The following TSBP1 variants were observed in gnomAD, a reference collection of about 807,000 sequenced individuals.
The protein encoded by TSBP1 is testis expressed basic protein 1.
In TSBP1, 56 loss-of-function variants were observed where a neutral mutation model predicts 68.8. The ratio of observed to expected loss-of-function variants is 0.81; its 90% CI spans 0.66 to 1.02. The LOEUF is 1.02. Among genes scored for constraint, TSBP1 ranks in the 50% least tolerant of loss-of-function variants. The probability of loss-of-function intolerance (pLI) is 0.00; values close to 1 mark genes in which losing one functional copy is unlikely to be tolerated. For missense variants in TSBP1, 502 were observed against 641.2 expected, an observed-to-expected ratio of 0.78 and a Z score of 2.34; for synonymous variants, 171 against 208.7, an observed-to-expected ratio of 0.82 and a Z score of 1.56.
chr6:32,360,781 T>C (rs1011742451), intron 6 of TSBP1, among the ~76,000 whole-genome samples: 1 of 152,218 alleles, frequency 6.6e-6, no homozygotes, highest in African/African-American at 2.4e-5. Flanking sequence ...AGTGATATTG[T>C]GCACCTTTAT....
rs559334912 is a variant in TSBP1, at chr6:32,339,491, T to C, written c.388+109A>G. 2.3e-5 allele frequency: 17 copies of C among 755,542 alleles called. No homozygotes were observed. In the African/African-American group the frequency reaches 2.9e-4, roughly 13 times the overall value. 46.8% of individuals were successfully genotyped at this position (755,542 alleles called of 1,614,324 possible). ...GCAGGCACATTATAGAATATCAAAA[T>C]CATTACACATGGTATGCATGTATCA... On this transcript the variant is annotated intron_variant, in intron 10 of 22. Coordinates refer to ENST00000612031, the Ensembl canonical transcript of TSBP1.
At position 32,336,604 on chromosome 6, in the gene TSBP1, T is replaced by C; in HGVS notation, c.430+11A>G. On this transcript the variant is annotated intron_variant, in intron 12 of 22. Transcript: ENST00000612031. The surrounding 1 kb of genome is among the most constrained non-coding windows in gnomAD (Gnocchi z 5.2). ...AAGGGACCAGAGTGGAAAAACAAAC[T>C]TGATACTTACGAATAGGGGCTGTGA... 6.2e-7 allele frequency: 1 copy of C among 1,611,628 alleles called. No individual in the cohort carries two copies. The highest frequency in any genetic ancestry group is 8.5e-7 in the Non-Finnish European group (1 of 1,178,730).
At chr6:32,355,136 T>G in exon 8 of TSBP1, 1 of 1,612,380 alleles carries the variant, frequency 6.2e-7, no homozygotes, top group Non-Finnish European at 8.5e-7. Flanking sequence ...AGAGAGTTGG[T>G]TGATGGTGCT....
rs372845353 is a variant in TSBP1, at chr6:32,345,147, G to T, written c.349+4593C>A. ...TGGGATTACAGGTGTAAGCCACCAT[G>T]CTTGGCCCTTAGTCTTTTTTTTTTT... On this transcript the variant is annotated intron_variant, in intron 9 of 22. Transcript: ENST00000612031. Among the ~76,000 whole-genome samples the T allele has an allele frequency of 5.3e-5, 8 of 150,946 alleles. No individual in the cohort carries two copies. In the East Asian group the frequency reaches 1.6e-3, roughly 29 times the overall value.
chr6:32,307,291 A>G (rs1765861489), intron 19 of TSBP1, among the ~76,000 whole-genome samples: 1 of 152,118 alleles, frequency 6.6e-6, no homozygotes, highest in Non-Finnish European at 1.5e-5. Flanking sequence ...TATATTCTGT[A>G]ATTTCTCTCA....
chr6:32,346,842 T>G (rs1771067176), intron 9 of TSBP1, among the ~76,000 whole-genome samples: 1 of 132,062 alleles, frequency 7.6e-6, no homozygotes, highest in Non-Finnish European at 1.7e-5. Flanking sequence ...TCTCAATTTT[T>G]TAAAAAAATA....
In TSBP1 at chr6:32,292,879, T is replaced by C. The variant is rs1202970138; in HGVS notation, c.*102A>G. 6.9e-6 allele frequency: 5 copies of C among 725,790 alleles called. No individual in the cohort carries two copies. Among genetic ancestry groups the C allele is most frequent in the Non-Finnish European group, 1.2e-5 (5 of 433,652 alleles). The allele number at this position is 725,790 out of a possible 1,614,324, so 45.0% of individuals were successfully genotyped here. A position where few individuals can be genotyped will look rare whatever the true frequency, so the allele number is the denominator to read the frequency against. On this transcript the variant is annotated 3_prime_UTR_variant, in exon 23 of 23. Transcript: ENST00000612031. The surrounding 1 kb of genome is among the most constrained non-coding windows in gnomAD (Gnocchi z 4.1). ...TGTGATATGAAGATGAAAGGGATTT[T>C]ATAATTGTAATCTGTTTAGGCAATG... is the stretch of plus-strand genomic sequence containing the variant.
Position 32,293,216 on chromosome 6 carries a change from G to T in TSBP1, c.1457C>A (p.Ala486Asp). The T allele has an allele frequency of 1.9e-6, 3 of 1,611,836 alleles. No homozygotes were observed. In the African/African-American group the frequency reaches 4.0e-5, roughly 22 times the overall value. The change falls in exon 23 of 23, where the codon GCC (alanine) becomes GAC (aspartate). Residue 486 changes from alanine (A) to aspartate (D), a missense_variant. Coordinates refer to ENST00000612031, the Ensembl canonical transcript of TSBP1. ...CTCAAAACTCTCCTTCTTTTCTTGG[G>T]CTTCCTGTCCTTTTAGTACACCTGA... is the stretch of plus-strand genomic sequence containing the variant.
intron 18 of TSBP1, among the ~76,000 whole-genome samples, chr6:32,318,794 G>A (rs374131085): frequency 3.3e-5 from 5 of 152,110 alleles, no homozygotes; most frequent in Non-Finnish European, 5.9e-5. Flanking sequence ...GCTAAACAGA[G>A]TTTTTCTGGG....
At chr6:32,311,767 C>T (rs893837723) in intron 19 of TSBP1, among the ~76,000 whole-genome samples, 1 of 152,146 alleles carries the variant, frequency 6.6e-6, no homozygotes, top group Middle Eastern at 3.2e-3. Context: ...TTGAGATTTG[C>T]TTACAGTGAT....
intron 18 of TSBP1, among the ~76,000 whole-genome samples, chr6:32,317,936 C>T (rs921947919): frequency 6.6e-6 from 1 of 152,042 alleles, no homozygotes; most frequent in Non-Finnish European, 1.5e-5. Flanking sequence ...ACCATTCGAC[C>T]CAGCAATCCC....
At chr6:32,371,550 A>G (rs530835754) in intron 1 of TSBP1, 144 bp downstream of exon 1, 2 of 701,168 alleles carry the variant, frequency 2.9e-6, no homozygotes, top group East Asian at 2.6e-5. Context: ...AGAGGAATCA[A>G]TAAGAGTGAA....
chr6:32,297,634 A>G (rs1011670728), intron 22 of TSBP1, among the ~76,000 whole-genome samples: 1 of 152,262 alleles, frequency 6.6e-6, no homozygotes, highest in Non-Finnish European at 1.5e-5. Flanking sequence ...TTAAAAGATC[A>G]TATACTTATT....
intron 8 of TSBP1, 73 bp downstream of exon 8, chr6:32,355,051 G>A: frequency 7.4e-7 from 1 of 1,354,054 alleles, no homozygotes. Context: ...TCTTAAAAGA[G>A]AAAAAATACA....
rs777482294 is a variant in TSBP1 at position 32,369,987 on chromosome 6, A to G, written c.14-4T>C. 9 of 1,595,668 alleles carry G rather than the reference A, an allele frequency of 5.6e-6. No individual in the cohort carries two copies. Among genetic ancestry groups the G allele is most frequent in the Non-Finnish European group, 7.7e-6 (9 of 1,164,280 alleles). ...AGGATGACAGCCAAAGTTATTTCTG[A>G]AAACAAAAACTCACCTGTAAACATG... is the stretch of plus-strand genomic sequence containing the variant. On this transcript the variant is annotated splice_polypyrimidine_tract_variant and splice_region_variant and intron_variant, in intron 1 of 22. Coordinates refer to ENST00000612031, the Ensembl canonical transcript of TSBP1.
At chr6:32,309,602 T>A (rs1465344106) in intron 19 of TSBP1, among the ~76,000 whole-genome samples, 3 of 152,190 alleles carry the variant, frequency 2.0e-5, no homozygotes, top group Non-Finnish European at 2.9e-5. Flanking sequence ...AAAATTTTTT[T>A]ATTTTTAATT....
intron 8 of TSBP1, among the ~76,000 whole-genome samples, 164 bp downstream of exon 8, chr6:32,354,960 T>C (rs932649827): frequency 2.6e-5 from 4 of 152,124 alleles, no homozygotes; most frequent in South Asian, 2.1e-4. Flanking sequence ...TTGAGAAATA[T>C]GACAAGAATA....
At position 32,336,484 on chromosome 6, in the gene TSBP1, C is replaced by A; in HGVS notation, c.430+131G>T. The A allele has an allele frequency of 2.7e-6, 2 of 741,812 alleles. No homozygotes were observed. Among genetic ancestry groups the A allele is most frequent in the Non-Finnish European group, 4.5e-6 (2 of 439,960 alleles). The allele number at this position is 741,812 out of a possible 1,614,324, so 46.0% of individuals were successfully genotyped here. A position where few individuals can be genotyped will look rare whatever the true frequency, so the allele number is the denominator to read the frequency against. On this transcript the variant is annotated intron_variant, in intron 12 of 22. Coordinates refer to ENST00000612031, the Ensembl canonical transcript of TSBP1. This position sits in a 1 kb window ranked among gnomAD's most constrained non-coding sequence, Gnocchi z 5.2. The stretch of plus-strand genomic sequence containing the variant: ...TCACACAATATACCCATTAGCAAAC[C>A]TGCATATGCACCACCGGAATCTAAA...
chr6:32,318,066 G>A (rs561658802), intron 18 of TSBP1, among the ~76,000 whole-genome samples: 1 of 152,252 alleles, frequency 6.6e-6, no homozygotes, highest in African/African-American at 2.4e-5. Context: ...GCCCGTCAAC[G>A]ATAGACTGGA....
Sources: gnomAD v4.1 joint callset for allele counts (sites outside exome capture counted in the v4.1 genomes callset) on GRCh38, gnomAD v4.1.1 for gene constraint, Gnocchi (gnomAD v3.1) non-coding constraint, MANE v1.5 for transcripts, NCBI Gene and HGNC (gene_info 2026-07-23, HGNC 2026-07-21) for gene names.